The following SNX29 variants were observed in gnomAD, a reference collection of about 807,000 sequenced individuals.
The protein encoded by SNX29 is sorting nexin-29.
In SNX29, 78 loss-of-function variants were observed where a neutral mutation model predicts 102.1. That is an observed-to-expected ratio of 0.76 (90% CI 0.64 to 0.92). SNX29 has a LOEUF of 0.92. Ranked by LOEUF, SNX29 falls within the 40% of genes least tolerant of loss-of-function variation. The pLI is 0.00. For missense variants in SNX29, 1,280 were observed against 1,061.7 expected, an observed-to-expected ratio of 1.21 and a Z score of -2.86; for synonymous variants, 580 against 414.5, an observed-to-expected ratio of 1.40 and a Z score of -4.85.
rs1033718742 is a variant in SNX29 at position 12,550,213 on chromosome 16, G to A, written c.2319-18293G>A. On this transcript the variant is annotated intron_variant, in intron 20 of 20. Coordinates refer to ENST00000566228, the MANE Select transcript of SNX29 (RefSeq NM_032167.5). ...TACTAAGAGGATAAAGCATGGAAGA[G>A]TACCACACAATACCTTTCTAATTTT... Among the ~76,000 whole-genome samples the A allele has an allele frequency of 2.6e-5, 4 of 152,202 alleles. No individual in the cohort carries two copies. The East Asian group carries it at 5.8e-4, about 22-fold the overall frequency.
At chr16:12,110,219 G>C (rs1411414635) in intron 11 of SNX29, among the ~76,000 whole-genome samples, 1 of 152,042 alleles carries the variant, frequency 6.6e-6, no homozygotes, top group Admixed American at 6.6e-5. Flanking sequence ...TCCCTGCTTG[G>C]AGATACTTTC....
chr16:12,572,138 T>C lies in SNX29; in HGVS notation c.*3509T>C, dbSNP rs1160277322. ...CAGCCCTTGGCCCTGCTTCATACTT[T>C]GGAGCTTATTAAGATCAATTTTGAT... On this transcript the variant is annotated 3_prime_UTR_variant, in exon 21 of 21. Transcript: ENST00000566228. 3.0e-6 allele frequency: 3 copies of C among 1,010,376 alleles called. No homozygotes were observed. Among genetic ancestry groups the C allele is most frequent in the Non-Finnish European group, 3.6e-6 (3 of 829,828 alleles). 62.6% of individuals were successfully genotyped at this position (1,010,376 alleles called of 1,614,324 possible). A position where few individuals can be genotyped will look rare whatever the true frequency, so the allele number is the denominator to read the frequency against.
intron 13 of SNX29, among the ~76,000 whole-genome samples, chr16:12,148,538 C>T (rs78147961): frequency 0.029 from 4,413 of 152,274 alleles, 133 homozygotes; most frequent in East Asian, 0.19. Flanking sequence ...CAATCTCCCC[C>T]TCCCCTGCAT....
intron 14 of SNX29, among the ~76,000 whole-genome samples, chr16:12,213,345 G>A (rs559925836): frequency 6.6e-6 from 1 of 152,240 alleles, no homozygotes; most frequent in Non-Finnish European, 1.5e-5. Context: ...GGGGAGGCGA[G>A]GGATGAAAAA....
At chr16:12,398,223 A>G (rs2083788482) in intron 16 of SNX29, among the ~76,000 whole-genome samples, 1 of 152,220 alleles carries the variant, frequency 6.6e-6, no homozygotes. Flanking sequence ...TTGGCCATAA[A>G]GATAATTGAG....
chr16:12,539,836 G>A (rs1349512991), intron 20 of SNX29, among the ~76,000 whole-genome samples: 1 of 152,164 alleles, frequency 6.6e-6, no homozygotes, highest in African/African-American at 2.4e-5. Flanking sequence ...ATCCTCTTTG[G>A]GGAAGTAAGT....
chr16:12,556,884 C>CGAGGA (rs1567194341), intron 20 of SNX29, among the ~76,000 whole-genome samples: 20 of 151,814 alleles, frequency 1.3e-4, no homozygotes, highest in African/African-American at 4.6e-4. Context: ...ATAGGGTCTC[C>CGAGGA]GTCTGTCTCC....
intron 15 of SNX29, among the ~76,000 whole-genome samples, chr16:12,352,621 G>C (rs2151298424): frequency 6.6e-6 from 1 of 152,326 alleles, no homozygotes; most frequent in African/African-American, 2.4e-5. Flanking sequence ...ATGACTCATA[G>C]TCTTTGCACC....
At position 12,568,303 on chromosome 16, in the gene SNX29, T is replaced by TAAAAAAAAAAAAAAA. The variant is rs10633753; in HGVS notation, c.2319-203_2319-202insAAAAAAAAAAAAAAA. 1.1e-4 allele frequency among the ~76,000 whole-genome samples: 9 copies of TAAAAAAAAAAAAAAA among 80,718 alleles called. No homozygotes were observed. In the South Asian group the frequency reaches 1.2e-3, roughly 11 times the overall value. The allele number at this position is 80,718 out of a possible 152,430, so 53.0% of individuals were successfully genotyped here. ...GCTTGGTTGGAGCCTCGGAGTGCTG[T>TAAAAAAAAAAAAAAA]TAAAAAAAAAAAAATGGAAAGGTTT... On this transcript the variant is annotated intron_variant, in intron 20 of 20. Transcript: ENST00000566228.
rs1263860719 is a variant in SNX29, at chr16:12,182,165, G to A, written c.1596-17436G>A. 3.3e-5 allele frequency among the ~76,000 whole-genome samples: 5 copies of A among 150,266 alleles called. 1 individual carries two copies. The highest frequency in any genetic ancestry group is 5.9e-5 in the Non-Finnish European group (4 of 67,780). ...GTCTCCCAAAGTGCTGGGATAACAG[G>A]CATGAGCCACTGTGCCCGGCCTAGT... On this transcript the variant is annotated intron_variant, in intron 13 of 20. Transcript: ENST00000566228.
At chr16:12,032,833 C>G (rs1351089414) in intron 4 of SNX29, among the ~76,000 whole-genome samples, 1 of 151,364 alleles carries the variant, frequency 6.6e-6, no homozygotes, top group Non-Finnish European at 1.5e-5. Context: ...CTTCCACATC[C>G]TTGCCAACTC....
At chr16:12,384,143 C>A (rs890595530) in intron 16 of SNX29, among the ~76,000 whole-genome samples, 1 of 152,198 alleles carries the variant, frequency 6.6e-6, no homozygotes, top group African/African-American at 2.4e-5. Flanking sequence ...TAGGTTGCTT[C>A]CAAATCTTGG....
intron 19 of SNX29, among the ~76,000 whole-genome samples, chr16:12,495,446 C>T (rs1252975603): frequency 2.0e-5 from 3 of 152,198 alleles, no homozygotes; most frequent in Admixed American, 6.5e-5. Context: ...CCATGCCTGG[C>T]GTCATCTGGA....
chr16:12,158,313 C>A (rs865953816), intron 13 of SNX29, among the ~76,000 whole-genome samples: 10 of 152,130 alleles, frequency 6.6e-5, no homozygotes, highest in South Asian at 2.1e-4. Flanking sequence ...AATTCTCCTG[C>A]CTCAGCCTGC....
intron 18 of SNX29, among the ~76,000 whole-genome samples, chr16:12,446,874 G>A (rs1267025563): frequency 1.3e-5 from 2 of 151,872 alleles, no homozygotes; most frequent in African/African-American, 2.4e-5. Context: ...ATTGACATAT[G>A]TAAAATAGGA....
At chr16:12,193,253 CCATTA>C (rs1198488034) in intron 13 of SNX29, among the ~76,000 whole-genome samples, 8 of 152,020 alleles carry the variant, frequency 5.3e-5, no homozygotes, top group Non-Finnish European at 8.8e-5. Context: ...GTTTGTAATT[CCATTA>C]CAAGAGTTTG....
At chr16:12,567,451 TTA>T (rs1378604031) in intron 20 of SNX29, among the ~76,000 whole-genome samples, 4 of 152,292 alleles carry the variant, frequency 2.6e-5, no homozygotes, top group East Asian at 1.9e-4. Context: ...GCCCCAGAAT[TTA>T]TGTGTCCCCT....
At chr16:12,112,049 G>A (rs1486713482) in intron 11 of SNX29, among the ~76,000 whole-genome samples, 1 of 152,228 alleles carries the variant, frequency 6.6e-6, no homozygotes, top group Admixed American at 6.5e-5. Context: ...TGTGCGCAGA[G>A]GTTGCAGTGG....
intron 15 of SNX29, among the ~76,000 whole-genome samples, chr16:12,295,389 T>C (rs2079946905): frequency 6.6e-6 from 1 of 152,258 alleles, no homozygotes; most frequent in Admixed American, 6.5e-5. Flanking sequence ...CAAGGACTTT[T>C]TCTTGCCAAG....
Sources: gnomAD v4.1 joint callset for allele counts (sites outside exome capture counted in the v4.1 genomes callset) on GRCh38, gnomAD v4.1.1 for gene constraint, MANE v1.5 for transcripts, NCBI Gene and HGNC (gene_info 2026-07-23, HGNC 2026-07-21) for gene names.